The following IRGM variants were observed in gnomAD, a reference collection of about 807,000 sequenced individuals.
The protein encoded by IRGM is immunity related GTPase M.
For missense variants in IRGM, 288 were observed against 219.9 expected (o/e 1.31, Z -1.96); for synonymous variants, 98 against 80.6 (o/e 1.22, Z -1.16).
At position 150,847,868 on chromosome 5, in the gene IRGM, TCTC is replaced by T. The variant is rs1753897756; in HGVS notation, c.-255_-253del. On this transcript the variant is annotated 5_prime_UTR_variant, in exon 2 of 2. Coordinates refer to ENST00000522154, the MANE Select transcript of IRGM (RefSeq NM_001145805.2). Reference sequence around the variant, plus strand: ...GCCAGGCTGGAGTGCAATGGCGTGATCTCAGCTCACTGCAATATCTGCGTCCAG... The same window carrying T: ...GCCAGGCTGGAGTGCAATGGCGTGATAGCTCACTGCAATATCTGCGTCCAG... 4 of 451,264 alleles carry T rather than the reference TCTC, an allele frequency of 8.9e-6. No homozygotes were observed. The South Asian group carries it at 1.0e-4, about 11-fold the overall frequency. 28.0% of individuals were successfully genotyped at this position (451,264 alleles called of 1,614,324 possible).
At chr5:150,863,235 G>C (rs993579103) in intron 1 of IRGM, among the ~76,000 whole-genome samples, 13 of 152,196 alleles carry the variant, frequency 8.5e-5, no homozygotes, top group African/African-American at 2.9e-4. Context: ...GGTATGACTA[G>C]TGAATATGAA....
chr5:150,853,054 C>A (rs778750129), downstream of IRGM, among the ~76,000 whole-genome samples: 4 of 152,026 alleles, frequency 2.6e-5, no homozygotes, highest in Non-Finnish European at 5.9e-5. Flanking sequence ...GAACTGAAAT[C>A]TTTTATCCTT....
At chr5:150,891,654 G>C (rs1443916159) in intron 3 of IRGM, among the ~76,000 whole-genome samples, 2 of 152,034 alleles carry the variant, frequency 1.3e-5, no homozygotes, top group African/African-American at 4.8e-5. Context: ...TAGTAAAAGA[G>C]ACAATATGAA....
In IRGM at chr5:150,848,655, G is replaced by A; in HGVS notation, c.532G>A (p.Val178Ile). ...NVLENLQKER[V>I]CEY ...CCTGGAAAATCTCCAGAAGGAGCGG[G>A]TATGTGAATACTAATTCCTGTCTTC... Residue 178 changes from valine (V) to isoleucine (I), a missense_variant, in exon 2 of 2, where the codon GTA (valine) becomes ATA (isoleucine). Coordinates refer to ENST00000522154, the MANE Select transcript of IRGM (RefSeq NM_001145805.2). 3 of 1,532,120 alleles carry A rather than the reference G, an allele frequency of 2.0e-6. No homozygotes were observed. Among genetic ancestry groups the A allele is most frequent in the South Asian group, 1.2e-5 (1 of 82,122 alleles). 94.9% of individuals were successfully genotyped at this position (1,532,120 alleles called of 1,614,324 possible).
Position 150,873,919 on chromosome 5 carries a change from A to C in IRGM, c.159-4061A>C, listed in dbSNP as rs541119402. Among the ~76,000 whole-genome samples the C allele has an allele frequency of 5.9e-5, 9 of 152,344 alleles. No individual in the cohort carries two copies. In the East Asian group the frequency reaches 1.7e-3, roughly 29 times the overall value. On this transcript the variant is annotated intron_variant and NMD_transcript_variant, in intron 1 of 3. Transcript: ENST00000520549. ...GAAAGATGCAGGGTTGGTGATTCCC[A>C]CTACATCCCAGTTCAACTCTCTTAT...
At chr5:150,871,240 A>G (rs1410999094) in intron 1 of IRGM, among the ~76,000 whole-genome samples, 1 of 152,190 alleles carries the variant, frequency 6.6e-6, no homozygotes, top group African/African-American at 2.4e-5. Context: ...GGTACTTCTG[A>G]AATAGTGGCA....
chr5:150,860,562 C>T (rs1173772127), intron 1 of IRGM, among the ~76,000 whole-genome samples: 1 of 152,226 alleles, frequency 6.6e-6, no homozygotes, highest in Non-Finnish European at 1.5e-5. Context: ...TCCTGAGCAA[C>T]CACAGTCCCT....
At chr5:150,891,355 A>G (rs1292711640) in intron 3 of IRGM, among the ~76,000 whole-genome samples, 2 of 152,088 alleles carry the variant, frequency 1.3e-5, no homozygotes, top group African/African-American at 4.8e-5. Flanking sequence ...GGCAGCATAT[A>G]GTCTCTGCGT....
Position 150,895,795 on chromosome 5 carries a change from T to C in IRGM, c.*141-4794T>C, listed in dbSNP as rs568526962. ...TCTCCAGTATGTGTTCTCTGATGTA[T>C]GATGAGCTGTGACTTGCGGGAGAAT... is the stretch of plus-strand genomic sequence containing the variant. On this transcript the variant is annotated intron_variant and NMD_transcript_variant, in intron 3 of 3. Transcript: ENST00000520549. The C allele has an allele frequency of 8.6e-5, 139 of 1,613,640 alleles. 1 individual carries two copies. In the Admixed American group the frequency reaches 2.3e-3, roughly 26 times the overall value.
intron 1 of IRGM, among the ~76,000 whole-genome samples, chr5:150,856,074 T>C (rs1031778398): frequency 1.3e-5 from 2 of 151,650 alleles, no homozygotes; most frequent in African/African-American, 4.9e-5. Flanking sequence ...TTTCAGAAAA[T>C]AGTATTTTAA....
chr5:150,881,024 G>A (rs569971285), intron 3 of IRGM, among the ~76,000 whole-genome samples: 3 of 152,188 alleles, frequency 2.0e-5, no homozygotes, highest in African/African-American at 7.2e-5. Flanking sequence ...CTACTCAGGA[G>A]GCTGACGCAG....
Position 150,848,257 on chromosome 5 carries a change from G to T in IRGM, c.134G>T (p.Gly45Val). The change falls in exon 2 of 2, where the codon GGG becomes GTG. Residue 45 changes from glycine (G) to valine (V), a missense_variant. Coordinates refer to ENST00000522154, the MANE Select transcript of IRGM (RefSeq NM_001145805.2). Reference protein sequence around the residue: ...NITMAGDSGNGMSTFISALRN... With the variant: ...NITMAGDSGNVMSTFISALRN... ...ACTATGGCAGGGGACTCTGGCAATG[G>T]GATGTCCACCTTCATCAGTGCCCTT... 3 of 1,551,808 alleles carry T rather than the reference G, an allele frequency of 1.9e-6. No individual in the cohort carries two copies. Among genetic ancestry groups the T allele is most frequent in the South Asian group, 1.2e-5 (1 of 84,064 alleles).
intron 1 of IRGM, among the ~76,000 whole-genome samples, chr5:150,863,485 C>G (rs1015060206): frequency 6.6e-6 from 1 of 152,032 alleles, no homozygotes; most frequent in Admixed American, 6.5e-5. Context: ...TAATGATTAC[C>G]TCTGGATAAT....
chr5:150,884,353 C>T (rs1188678896), intron 3 of IRGM, among the ~76,000 whole-genome samples: 1 of 152,002 alleles, frequency 6.6e-6, no homozygotes, highest in African/African-American at 2.4e-5. Context: ...CATGTCTTTG[C>T]TATTGTGAGT....
At chr5:150,883,728 G>A (rs1754477620) in intron 3 of IRGM, among the ~76,000 whole-genome samples, 2 of 151,776 alleles carry the variant, frequency 1.3e-5, no homozygotes, top group African/African-American at 4.8e-5. Flanking sequence ...TAATAAGTAA[G>A]GTGATGAAAG....
At chr5:150,895,823 C>CT in intron 3 of IRGM, 3 of 1,613,624 alleles carry the variant, frequency 1.9e-6, no homozygotes, top group Non-Finnish European at 2.5e-6. Context: ...GGGAGAATGT[C>CT]TTTCCACATT....
chr5:150,849,078 G>A (rs1293469317), downstream of IRGM, among the ~76,000 whole-genome samples: 6 of 151,664 alleles, frequency 4.0e-5, no homozygotes, highest in Non-Finnish European at 1.5e-5. Context: ...GTCGGGAGGA[G>A]CCCTCTCCAG....
intron 1 of IRGM, among the ~76,000 whole-genome samples, chr5:150,856,022 A>C (rs1754043970): frequency 6.6e-6 from 1 of 152,192 alleles, no homozygotes; most frequent in Non-Finnish European, 1.5e-5. Context: ...TTATAACAAT[A>C]AATTATAAAT....
chr5:150,879,513 AG>A (rs1754413962), intron 2 of IRGM: 1 of 152,238 alleles, frequency 6.6e-6, no homozygotes, highest in Non-Finnish European at 1.5e-5. Flanking sequence ...TAGTCTGGCC[AG>A]GCACTGTGCT....
Sources: allele counts gnomAD v4.1 joint callset (sites outside exome capture counted in the v4.1 genomes callset), GRCh38; gene constraint gnomAD v4.1.1; transcripts MANE v1.5; gene names NCBI Gene and HGNC (gene_info 2026-07-23, HGNC 2026-07-21).